The following CCNY variants were observed in gnomAD, a reference collection of about 807,000 sequenced individuals.
CCNY encodes cyclin Y, also known as cyclin-Y.
A neutral mutation model predicts 42.8 loss-of-function variants in CCNY; 19 were observed. The ratio of observed to expected loss-of-function variants is 0.44; its 90% CI spans 0.31 to 0.65. The LOEUF (loss-of-function observed/expected upper bound fraction) is 0.65. Ranked by LOEUF, CCNY falls within the 30% of genes least tolerant of loss-of-function variation. The pLI, the probability that CCNY is intolerant of heterozygous loss-of-function variation, is 0.07. For synonymous variants in CCNY, 165 were observed against 162.7 expected (o/e 1.01, Z -0.11); for missense variants, 370 against 437.3 (o/e 0.85, Z 1.37).
chr10:35,282,484 T>G (rs940602702), intron 3 of CCNY, among the ~76,000 whole-genome samples: 48 of 151,736 alleles, frequency 3.2e-4, no homozygotes, highest in African/African-American at 1.1e-3. Context: ...TCCCAGCACT[T>G]TGGGAGGCTG....
intron 1 of CCNY, among the ~76,000 whole-genome samples, chr10:35,366,138 A>G (rs2135164926): frequency 6.6e-6 from 1 of 152,394 alleles, no homozygotes; most frequent in East Asian, 1.9e-4. Context: ...TTGCAAACAT[A>G]CATGCAGTGT....
intron 1 of CCNY, among the ~76,000 whole-genome samples, chr10:35,464,375 T>G (rs1452929669): frequency 6.6e-6 from 1 of 152,118 alleles, no homozygotes; most frequent in African/African-American, 2.4e-5. Context: ...ACTGACAACT[T>G]TTACTCCTTG....
chr10:35,445,154 T>C (rs2135302991), intron 1 of CCNY, among the ~76,000 whole-genome samples: 1 of 152,270 alleles, frequency 6.6e-6, no homozygotes, highest in Admixed American at 6.5e-5. Context: ...TGGAGGAGTG[T>C]CCCTTAAAAG....
At chr10:35,454,556 A>T (rs1365872089) in intron 1 of CCNY, among the ~76,000 whole-genome samples, 1 of 152,224 alleles carries the variant, frequency 6.6e-6, no homozygotes, top group African/African-American at 2.4e-5. Flanking sequence ...AGCATCTTCC[A>T]TAGCTCCCAG....
chr10:35,331,439 T>C (rs561411542), intron 3 of CCNY, among the ~76,000 whole-genome samples: 1 of 152,292 alleles, frequency 6.6e-6, no homozygotes, highest in South Asian at 2.1e-4. Flanking sequence ...CTTGCAGTGG[T>C]GAGGTAGATA....
At chr10:35,452,178 A>C (rs1394035083) in intron 1 of CCNY, among the ~76,000 whole-genome samples, 2 of 151,908 alleles carry the variant, frequency 1.3e-5, no homozygotes, top group Non-Finnish European at 2.9e-5. Flanking sequence ...TTACATATTG[A>C]AGTTGCAGTT....
In CCNY at chr10:35,337,043, G is replaced by C; in HGVS notation, c.-11G>C. 1 of 1,554,184 alleles carries C rather than the reference G, an allele frequency of 6.4e-7. No homozygotes were observed. Among genetic ancestry groups the C allele is most frequent in the Non-Finnish European group, 8.7e-7 (1 of 1,149,806 alleles). ...AACAGGATAGCAGCAGGAGTCGGGGGGCCGCCGAAGATGGGGAACACTACC... is the reference window on the plus strand; with the variant it reads ...AACAGGATAGCAGCAGGAGTCGGGGCGCCGCCGAAGATGGGGAACACTACC... On this transcript the variant is annotated 5_prime_UTR_variant, in exon 1 of 10. Transcript: ENST00000374704.
chr10:35,262,370 T>TTTATTTTA (rs1565056225), intron 3 of CCNY, among the ~76,000 whole-genome samples: 3 of 148,886 alleles, frequency 2.0e-5, no homozygotes, highest in African/African-American at 7.7e-5. Context: ...TTTATTTTAT[T>TTTATTTTA]TTATTTGAGA....
chr10:35,315,835 T>G (rs1007596156), intron 3 of CCNY, among the ~76,000 whole-genome samples: 12 of 152,342 alleles, frequency 7.9e-5, no homozygotes, highest in African/African-American at 2.9e-4. Context: ...TTACCCATTT[T>G]TAATTATGTA....
intron 3 of CCNY, among the ~76,000 whole-genome samples, chr10:35,260,600 G>A (rs191391299): frequency 7.2e-4 from 110 of 152,320 alleles, no homozygotes; most frequent in African/African-American, 2.3e-3. Context: ...GAATGTAAGC[G>A]CCTGTGCCCC....
At chr10:35,341,543 G>A (rs985891820) in intron 1 of CCNY, among the ~76,000 whole-genome samples, 1 of 152,228 alleles carries the variant, frequency 6.6e-6, no homozygotes, top group African/African-American at 2.4e-5. Flanking sequence ...GTAACCAAGT[G>A]CCTAGAGTAG....
chr10:35,312,747 CT>C (rs10688043), intron 3 of CCNY, among the ~76,000 whole-genome samples: 2,679 of 112,106 alleles, frequency 0.024, 71 homozygotes, highest in African/African-American at 0.068. Context: ...TTCCTTTTTA[CT>C]TTTTTTTTTT....
At chr10:35,535,072 C>A (rs1840857053) in intron 7 of CCNY, among the ~76,000 whole-genome samples, 1 of 143,640 alleles carries the variant, frequency 7.0e-6, no homozygotes, top group East Asian at 2.1e-4. Context: ...AGCCCTAATC[C>A]CTGTTGGAGT....
At chr10:35,341,093 G>T (rs1368139243) in intron 1 of CCNY, among the ~76,000 whole-genome samples, 2 of 152,112 alleles carry the variant, frequency 1.3e-5, no homozygotes, top group African/African-American at 4.8e-5. Flanking sequence ...CTCAAAAACG[G>T]CAGTGACTCG....
intron 3 of CCNY, among the ~76,000 whole-genome samples, chr10:35,269,533 G>C (rs2095729005): frequency 6.6e-6 from 1 of 151,574 alleles, no homozygotes; most frequent in Admixed American, 6.6e-5. Context: ...TCAAACTCCT[G>C]ACCTCAAGTG....
chr10:35,250,193 CAAAA>C (rs71523370), intron 2 of CCNY, among the ~76,000 whole-genome samples: 2 of 77,810 alleles, frequency 2.6e-5, no homozygotes, highest in Non-Finnish European at 4.9e-5. Context: ...GACTCCATCT[CAAAA>C]AAAAAAAAAA....
chr10:35,309,335 G>C (rs914557048), intron 3 of CCNY, among the ~76,000 whole-genome samples: 13 of 152,232 alleles, frequency 8.5e-5, no homozygotes, highest in South Asian at 4.1e-4. Context: ...TGGACTGTGA[G>C]GGTGGAGGAA....
At chr10:35,306,148 C>T (rs964924114) in intron 3 of CCNY, among the ~76,000 whole-genome samples, 18 of 152,168 alleles carry the variant, frequency 1.2e-4, no homozygotes, top group Non-Finnish European at 1.6e-4. Context: ...GATTCTCCTG[C>T]CTCAGCCTCC....
At chr10:35,444,690 T>C (rs1174370399) in intron 1 of CCNY, among the ~76,000 whole-genome samples, 1 of 152,256 alleles carries the variant, frequency 6.6e-6, no homozygotes, top group African/African-American at 2.4e-5. Flanking sequence ...ACTACTGTCA[T>C]TGATGCAGTC....
Sources: allele counts gnomAD v4.1 joint callset (sites outside exome capture counted in the v4.1 genomes callset), GRCh38; gene constraint gnomAD v4.1.1; transcripts MANE v1.5; gene names NCBI Gene and HGNC (gene_info 2026-07-23, HGNC 2026-07-21).